The following GRIK2 variants were observed in gnomAD, a reference collection of about 807,000 sequenced individuals.
GRIK2 encodes glutamate receptor ionotropic, kainate 2.
A neutral mutation model predicts 100.3 loss-of-function variants in GRIK2; 32 were observed. The observed-to-expected ratio is 0.32, with a 90% CI of 0.24 to 0.43. The LOEUF is 0.43. GRIK2 is among the 20% of genes least tolerant of loss of function. The pLI is 1.00. For synonymous variants in GRIK2, 417 were observed against 389.4 expected, an observed-to-expected ratio of 1.07 and a Z score of -0.83; for missense variants, 843 against 1,114.9, an observed-to-expected ratio of 0.76 and a Z score of 3.47.
chr6:102,025,948 AG>A, intron 14 of GRIK2, among the ~76,000 whole-genome samples: 1 of 150,696 alleles, frequency 6.6e-6, no homozygotes, highest in Non-Finnish European at 1.5e-5. Flanking sequence ...CCTGGCGTTA[AG>A]GGCCATGTTG....
chr6:101,957,353 T>C (rs1323183672), intron 14 of GRIK2, among the ~76,000 whole-genome samples: 1 of 152,004 alleles, frequency 6.6e-6, no homozygotes, highest in Non-Finnish European at 1.5e-5. Context: ...TTTTGTCTTA[T>C]AGAGTTGTTT....
At chr6:101,798,558 C>A (rs1422469032) in intron 7 of GRIK2, among the ~76,000 whole-genome samples, 1 of 151,968 alleles carries the variant, frequency 6.6e-6, no homozygotes, top group Non-Finnish European at 1.5e-5. Flanking sequence ...TCCTTAGGAT[C>A]CATTTGGTTG....
chr6:101,610,921 A>G (rs1294614480), intron 2 of GRIK2, among the ~76,000 whole-genome samples: 1 of 151,772 alleles, frequency 6.6e-6, no homozygotes, highest in East Asian at 1.9e-4. Context: ...TCTTGATACT[A>G]TTCAAGCGTC....
chr6:101,690,597 G>A (rs1309571707), intron 7 of GRIK2, among the ~76,000 whole-genome samples: 1 of 151,816 alleles, frequency 6.6e-6, no homozygotes, highest in Non-Finnish European at 1.5e-5. Context: ...CTTTGCTCAT[G>A]GCTCCTCATC....
intron 7 of GRIK2, among the ~76,000 whole-genome samples, chr6:101,734,489 A>T (rs1165800111): frequency 6.6e-6 from 1 of 152,200 alleles, no homozygotes; most frequent in Non-Finnish European, 1.5e-5. Context: ...TAGGGAGGAC[A>T]ATTACTCAGT....
intron 7 of GRIK2, among the ~76,000 whole-genome samples, chr6:101,743,415 G>A (rs1276722556): frequency 6.6e-6 from 1 of 152,184 alleles, no homozygotes; most frequent in Non-Finnish European, 1.5e-5. Flanking sequence ...CTTGTTTTAA[G>A]CAGGGTTTAA....
At chr6:101,774,322 T>A (rs932803364) in intron 7 of GRIK2, among the ~76,000 whole-genome samples, 2 of 152,186 alleles carry the variant, frequency 1.3e-5, no homozygotes, top group Non-Finnish European at 2.9e-5. Flanking sequence ...AAGTACCTAA[T>A]CTGAGCTGCA....
intron 14 of GRIK2, among the ~76,000 whole-genome samples, chr6:101,988,887 C>T (rs1384404104): frequency 3.3e-5 from 5 of 151,282 alleles, no homozygotes; most frequent in Non-Finnish European, 7.4e-5. Context: ...TATACCAGAC[C>T]CTCAGGAAGT....
chr6:101,435,874 G>C (rs1469547538), intron 2 of GRIK2, among the ~76,000 whole-genome samples: 2 of 151,944 alleles, frequency 1.3e-5, no homozygotes, highest in Admixed American at 6.6e-5. Flanking sequence ...AAAGCTTCCT[G>C]GATCTAGCTT....
chr6:101,825,941 A>T (rs1440174737), intron 10 of GRIK2, among the ~76,000 whole-genome samples: 1 of 152,122 alleles, frequency 6.6e-6, no homozygotes, highest in Non-Finnish European at 1.5e-5. Context: ...CTTACTGGAC[A>T]TATATCCACT....
At chr6:101,914,599 T>G (rs1788975008) in intron 12 of GRIK2, among the ~76,000 whole-genome samples, 1 of 151,424 alleles carries the variant, frequency 6.6e-6, no homozygotes, top group Admixed American at 6.6e-5. Flanking sequence ...TGAGTCGTAT[T>G]ACTGATCCTG....
rs185985059 is a variant in GRIK2 at position 101,482,473 on chromosome 6, G to A, written c.115+83081G>A. Among the ~76,000 whole-genome samples the A allele has an allele frequency of 2.6e-5, 4 of 152,108 alleles. No individual in the cohort carries two copies. In the East Asian group the frequency reaches 5.8e-4, roughly 22 times the overall value. On this transcript the variant is annotated intron_variant, in intron 2 of 16. Transcript: ENST00000369134. Reference sequence around the variant, plus strand: ...ATACCAGCTCGGTGTTAAATAATACGTTCTTGTGGGTGAGACAAAAAGCGA... The same window carrying A: ...ATACCAGCTCGGTGTTAAATAATACATTCTTGTGGGTGAGACAAAAAGCGA...
chr6:101,632,727 G>GA (rs1780822584), intron 4 of GRIK2, among the ~76,000 whole-genome samples: 1 of 152,012 alleles, frequency 6.6e-6, no homozygotes, highest in Admixed American at 6.6e-5. Context: ...GAGGGGACAA[G>GA]AATTATAGAT....
chr6:101,639,846 A>G (rs1371438933), intron 4 of GRIK2, among the ~76,000 whole-genome samples: 2 of 152,202 alleles, frequency 1.3e-5, no homozygotes, highest in Non-Finnish European at 2.9e-5. Context: ...AGTATCCACT[A>G]GGATAGTATT....
Position 102,035,395 on chromosome 6 carries a change from C to A in GRIK2, c.2140C>A (p.Gln714Lys). 6.2e-7 allele frequency: 1 copy of A among 1,608,734 alleles called. No homozygotes were observed. The highest frequency in any genetic ancestry group is 8.5e-7 in the Non-Finnish European group (1 of 1,176,246). Residue 714 changes from glutamine to lysine, a missense_variant, in exon 15 of 17, where the codon CAG becomes AAG. This residue lies in a region of GRIK2 where 237 missense variants were observed against 388.0 expected (regional missense o/e 0.61). Transcript: ENST00000369134. ...KMWAFMSSRR[Q>K]SVLVKSNEEG... ...GTGGGCCTTTATGAGTAGCAGAAGG[C>A]AGTCAGTGCTGGTCAAAAGTAATGA...
rs143736513 is a variant in GRIK2 at position 101,716,101 on chromosome 6, G to A, written c.951+29748G>A. Among the ~76,000 whole-genome samples, 93 of 151,616 alleles carry A rather than the reference G, an allele frequency of 6.1e-4. 1 individual carries two copies. Among genetic ancestry groups the A allele is most frequent in the Middle Eastern group, 3.4e-3 (1 of 294 alleles). ...TACCTTCCTATGTTAGCTCCTGAGC[G>A]TCTATGAATAAACCTAAAGCTTCAT... On this transcript the variant is annotated intron_variant, in intron 7 of 16. Coordinates refer to ENST00000369134, the MANE Select transcript of GRIK2 (RefSeq NM_021956.5).
chr6:101,881,740 C>T lies in GRIK2; in HGVS notation c.1525-7900C>T, dbSNP rs562815655. Reference sequence around the variant, plus strand: ...TGGTGGTGCATGGCTGTAGTCTGACCTACCCAAGAGGTTGAGGTGGGAGGA... The same window carrying T: ...TGGTGGTGCATGGCTGTAGTCTGACTTACCCAAGAGGTTGAGGTGGGAGGA... On this transcript the variant is annotated intron_variant, in intron 11 of 16. Coordinates refer to ENST00000369134, the MANE Select transcript of GRIK2 (RefSeq NM_021956.5). 2.6e-5 allele frequency among the ~76,000 whole-genome samples: 4 copies of T among 151,766 alleles called. No homozygotes were observed. In the South Asian group the frequency reaches 8.3e-4, roughly 32 times the overall value.
At chr6:101,932,245 T>C (rs1421974554) in intron 14 of GRIK2, among the ~76,000 whole-genome samples, 1 of 152,046 alleles carries the variant, frequency 6.6e-6, no homozygotes, top group Non-Finnish European at 1.5e-5. Context: ...CTAATACATA[T>C]GTCCATCTAA....
At chr6:101,950,250 A>C (rs576593675) in intron 14 of GRIK2, among the ~76,000 whole-genome samples, 1 of 152,150 alleles carries the variant, frequency 6.6e-6, no homozygotes, top group African/African-American at 2.4e-5. Context: ...TCTCCCTCTA[A>C]GTTATCAAGA....
Sources: gnomAD v4.1 joint callset for allele counts (sites outside exome capture counted in the v4.1 genomes callset) on GRCh38, gnomAD v4.1.1 for gene constraint, gnomAD v4.1.1 regional missense constraint, MANE v1.5 for transcripts, NCBI Gene and HGNC (gene_info 2026-07-23, HGNC 2026-07-21) for gene names.